MAN1A1: variants seen among roughly 807,000 people sequenced by gnomAD.
MAN1A1 encodes the protein mannosyl-oligosaccharide 1,2-alpha-mannosidase IA.
A neutral mutation model predicts 70.8 loss-of-function variants in MAN1A1; 29 were observed. That is an observed-to-expected ratio of 0.41 (90% CI 0.31 to 0.56). The LOEUF is 0.56. MAN1A1 is among the 20% of genes least tolerant of loss of function. The probability of loss-of-function intolerance (pLI) is 0.29; values close to 1 mark genes in which losing one functional copy is unlikely to be tolerated. For missense variants in MAN1A1, 747 were observed against 841.3 expected (o/e 0.89, Z 1.39); for synonymous variants, 349 against 330.1 (o/e 1.06, Z -0.62).
chr6:119,332,788 GAAAAAA>G (rs56829189), intron 2 of MAN1A1, among the ~76,000 whole-genome samples: 5 of 145,598 alleles, frequency 3.4e-5, no homozygotes, highest in Admixed American at 1.4e-4. Context: ...TCCATCTCAA[GAAAAAA>G]AAAAAAAAGC....
Position 119,201,348 on chromosome 6 carries a change from C to A in MAN1A1, c.1117-1G>T. 1 of 1,589,892 alleles carries A rather than the reference C, an allele frequency of 6.3e-7. No homozygotes were observed. The highest frequency in any genetic ancestry group is 8.6e-7 in the Non-Finnish European group (1 of 1,159,218). On this transcript the variant is annotated splice_acceptor_variant, in intron 7 of 12. Coordinates refer to ENST00000368468, the MANE Select transcript of MAN1A1 (RefSeq NM_005907.4). LOFTEE classifies it high-confidence loss of function. The stretch of plus-strand genomic sequence containing the variant: ...TCAGTACTGTTCGAATATTCATTAC[C>A]TATAATAGAAAATAAAATGTTACCG...
chr6:119,289,750 C>T (rs1582772241), intron 5 of MAN1A1, among the ~76,000 whole-genome samples: 2 of 151,922 alleles, frequency 1.3e-5, no homozygotes, highest in Admixed American at 6.6e-5. Context: ...TAAGAAAGTA[C>T]TTGAGAGACA....
intron 2 of MAN1A1, among the ~76,000 whole-genome samples, chr6:119,317,827 T>C (rs1772896080): frequency 6.6e-6 from 1 of 151,978 alleles, no homozygotes; most frequent in Non-Finnish European, 1.5e-5. Flanking sequence ...AAGGTAGAAT[T>C]CATAAAAATA....
At chr6:119,334,724 A>G (rs1773407217) in intron 2 of MAN1A1, among the ~76,000 whole-genome samples, 1 of 152,208 alleles carries the variant, frequency 6.6e-6, no homozygotes, top group African/African-American at 2.4e-5. Flanking sequence ...CTAATAATCA[A>G]CGGATATTAT....
At chr6:119,204,928 G>A (rs571796684) in intron 6 of MAN1A1, 46 bp from the exon 7 acceptor site, 40 of 1,593,506 alleles carry the variant, frequency 2.5e-5, no homozygotes, top group East Asian at 2.0e-4. Flanking sequence ...GATTAACTCC[G>A]TTTTTCACTA....
At chr6:119,268,258 A>C (rs1301401276) in intron 5 of MAN1A1, among the ~76,000 whole-genome samples, 1 of 152,208 alleles carries the variant, frequency 6.6e-6, no homozygotes, top group Admixed American at 6.5e-5. Context: ...TAAATGCCTG[A>C]TTCTTTTCCT....
intron 6 of MAN1A1, among the ~76,000 whole-genome samples, chr6:119,232,202 C>T (rs1217248801): frequency 6.6e-6 from 1 of 151,640 alleles, no homozygotes; most frequent in Non-Finnish European, 1.5e-5. Context: ...GAAACCTCGT[C>T]TCTACTAAAA....
intron 5 of MAN1A1, among the ~76,000 whole-genome samples, chr6:119,248,804 G>C (rs1489021799): frequency 6.6e-6 from 1 of 152,162 alleles, no homozygotes; most frequent in African/African-American, 2.4e-5. Flanking sequence ...TTATTTACTA[G>C]AGCACAGAGA....
intron 4 of MAN1A1, among the ~76,000 whole-genome samples, chr6:119,293,935 A>G (rs147044245): frequency 6.6e-6 from 1 of 152,182 alleles, no homozygotes; most frequent in African/African-American, 2.4e-5. Context: ...GGGACAATGA[A>G]TTCCTCCATG....
chr6:119,182,713 C>G (rs569609447), intron 11 of MAN1A1, among the ~76,000 whole-genome samples: 1 of 151,900 alleles, frequency 6.6e-6, no homozygotes, highest in African/African-American at 2.4e-5. Context: ...TGACTGTAGA[C>G]AAAAATAATA....
chr6:119,184,905 T>C (rs2114927000), intron 11 of MAN1A1, among the ~76,000 whole-genome samples: 1 of 152,222 alleles, frequency 6.6e-6, no homozygotes, highest in African/African-American at 2.4e-5. Context: ...TTTTTAAAAT[T>C]TTCAAGAGAG....
intron 5 of MAN1A1, among the ~76,000 whole-genome samples, chr6:119,264,784 G>A (rs1775704016): frequency 6.6e-6 from 1 of 152,104 alleles, no homozygotes; most frequent in African/African-American, 2.4e-5. Flanking sequence ...AGACTATGTT[G>A]CAAATTGGCA....
At chr6:119,189,454 G>A (rs1773379506) in intron 10 of MAN1A1, among the ~76,000 whole-genome samples, 2 of 152,114 alleles carry the variant, frequency 1.3e-5, no homozygotes, top group South Asian at 4.1e-4. Flanking sequence ...TTATGGCCTG[G>A]ATTTTTGTTT....
chr6:119,276,458 T>C (rs896917307), intron 5 of MAN1A1, among the ~76,000 whole-genome samples: 1 of 152,202 alleles, frequency 6.6e-6, no homozygotes, highest in Non-Finnish European at 1.5e-5. Flanking sequence ...CATAAGGGAC[T>C]AGACATGTTA....
At chr6:119,276,045 C>T (rs918119792) in intron 5 of MAN1A1, among the ~76,000 whole-genome samples, 1 of 152,084 alleles carries the variant, frequency 6.6e-6, no homozygotes, top group Non-Finnish European at 1.5e-5. Context: ...ACCATTGCTG[C>T]CCTCCTTCTC....
intron 6 of MAN1A1, among the ~76,000 whole-genome samples, chr6:119,215,542 T>C (rs1444246693): frequency 6.6e-6 from 1 of 152,114 alleles, no homozygotes; most frequent in African/African-American, 2.4e-5. Context: ...TCCAGATAGA[T>C]CTGGTGTGAA....
chr6:119,281,893 T>C (rs1776232919), intron 5 of MAN1A1, among the ~76,000 whole-genome samples: 1 of 133,672 alleles, frequency 7.5e-6, no homozygotes, highest in Admixed American at 7.3e-5. Flanking sequence ...CCATCTCTAC[T>C]AAAAATACAA....
chr6:119,307,860 A>G (rs1269241788), intron 2 of MAN1A1, among the ~76,000 whole-genome samples: 9 of 152,194 alleles, frequency 5.9e-5, no homozygotes, highest in African/African-American at 2.2e-4. Context: ...ATCTTAAAGC[A>G]TCACACAAAG....
chr6:119,199,713 C>A (rs376874688), intron 8 of MAN1A1, among the ~76,000 whole-genome samples: 2 of 151,016 alleles, frequency 1.3e-5, no homozygotes, highest in East Asian at 3.9e-4. Flanking sequence ...TTGAGGCCAG[C>A]CTGGGAAATA....
Sources: gnomAD v4.1 joint callset for allele counts (sites outside exome capture counted in the v4.1 genomes callset) on GRCh38, gnomAD v4.1.1 for gene constraint, MANE v1.5 for transcripts, NCBI Gene and HGNC (gene_info 2026-07-23, HGNC 2026-07-21) for gene names.